Variants in UST observed in about 807,000 individuals in gnomAD.
UST encodes uronyl 2-sulfotransferase, also known as chondroitin sulfate 2-O-sulfotransferase.
A neutral mutation model predicts 45.6 loss-of-function variants in UST; 21 were observed. The ratio of observed to expected loss-of-function variants is 0.46; its 90% CI spans 0.33 to 0.66. The LOEUF is 0.66. Among genes scored for constraint, UST ranks in the 30% least tolerant of loss-of-function variants. The pLI is 0.02. For synonymous variants in UST, 215 were observed against 200.6 expected (o/e 1.07, Z -0.61); for missense variants, 463 against 512.4 (o/e 0.90, Z 0.93).
intron 3 of UST, among the ~76,000 whole-genome samples, chr6:148,950,191 C>T (rs995227117): frequency 1.3e-5 from 2 of 152,192 alleles, no homozygotes; most frequent in African/African-American, 4.8e-5. Context: ...GCTGGCACCC[C>T]TTCCCCCAGA....
intron 3 of UST, among the ~76,000 whole-genome samples, 163 bp from the exon 4 acceptor site, chr6:148,953,709 T>G (rs890341256): frequency 6.7e-6 from 1 of 150,038 alleles, no homozygotes; most frequent in African/African-American, 2.5e-5. Flanking sequence ...GAGGCGGAGC[T>G]TGCAGTGAAC....
intron 5 of UST, among the ~76,000 whole-genome samples, chr6:148,983,250 A>G (rs1437916496): frequency 6.6e-6 from 1 of 152,242 alleles, no homozygotes; most frequent in Non-Finnish European, 1.5e-5. Context: ...GTGGCAAGAA[A>G]CAATTAAACA....
chr6:148,867,289 C>T (rs568485384), intron 1 of UST, among the ~76,000 whole-genome samples: 2,067 of 48,454 alleles, frequency 0.043, 34 homozygotes, highest in Non-Finnish European at 0.067. Flanking sequence ...GTTGAATACA[C>T]ACACACACAC....
At position 148,752,506 on chromosome 6, in the gene UST, C is replaced by A. The variant is rs531205615; in HGVS notation, c.247+4829C>A. Among the ~76,000 whole-genome samples the A allele has an allele frequency of 1.4e-4, 22 of 152,286 alleles. No individual in the cohort carries two copies. The South Asian group carries it at 2.1e-3, about 14-fold the overall frequency. The stretch of plus-strand genomic sequence containing the variant: ...AAAATGGAATTCAGCTATGGTAATC[C>A]GTTCTGTAAACAAATAGCATGAATG... On this transcript the variant is annotated intron_variant, in intron 1 of 7. Coordinates refer to ENST00000367463, the MANE Select transcript of UST (RefSeq NM_005715.3).
chr6:148,793,442 C>T (rs1171589272), intron 1 of UST, among the ~76,000 whole-genome samples: 1 of 152,214 alleles, frequency 6.6e-6, no homozygotes, highest in Admixed American at 6.5e-5. Flanking sequence ...CCCCCCTCCT[C>T]ACCCTCCACC....
chr6:148,801,746 C>T lies in UST; in HGVS notation c.247+54069C>T, dbSNP rs188054854. 7.1e-4 allele frequency among the ~76,000 whole-genome samples: 108 copies of T among 152,166 alleles called. No individual in the cohort carries two copies. The East Asian group carries it at 0.016, about 23-fold the overall frequency. Reference sequence around the variant, plus strand: ...TCACTCTCCCCTTTCTTTTTGGCCCCGGCATATCTCATTCTCTCTCTGAGC... The same window carrying T: ...TCACTCTCCCCTTTCTTTTTGGCCCTGGCATATCTCATTCTCTCTCTGAGC... On this transcript the variant is annotated intron_variant, in intron 1 of 7. Transcript: ENST00000367463.
intron 7 of UST, among the ~76,000 whole-genome samples, chr6:149,033,517 A>G (rs1396152026): frequency 6.6e-6 from 1 of 152,254 alleles, no homozygotes; most frequent in African/African-American, 2.4e-5. Flanking sequence ...ACCTGTGTAT[A>G]TAACATTGCT....
rs767308777 is a variant in UST at position 148,941,421 on chromosome 6, C to A, written c.434C>A (p.Thr145Asn). The A allele has an allele frequency of 1.3e-6, 2 of 1,587,620 alleles. No individual in the cohort carries two copies. Among genetic ancestry groups the A allele is most frequent in the Admixed American group, 4.0e-5 (2 of 50,520 alleles). ...TSDIHNKTRL[T>N]KNEQMELIKN... ...GACATTCACAACAAAACCAGGCTTA[C>A]TAAAAATGAACAAGTAAGTTGACTT... The change falls in exon 3 of 8, where the codon ACT (threonine) becomes AAT (asparagine). Residue 145 changes from threonine to asparagine, a missense_variant. Thr to Asn is a moderately conservative substitution (Grantham distance 65). Transcript: ENST00000367463.
At chr6:148,840,088 T>C (rs1298009691) in intron 1 of UST, among the ~76,000 whole-genome samples, 1 of 152,162 alleles carries the variant, frequency 6.6e-6, no homozygotes, top group Non-Finnish European at 1.5e-5. Flanking sequence ...GGGTATCTAA[T>C]ACAAGAGGTT....
At chr6:148,952,509 G>A (rs914034850) in intron 3 of UST, among the ~76,000 whole-genome samples, 1 of 152,176 alleles carries the variant, frequency 6.6e-6, no homozygotes, top group African/African-American at 2.4e-5. Context: ...TTTATACACT[G>A]AGATCCTAGT....
chr6:148,971,844 G>C (rs1780924681), intron 5 of UST, among the ~76,000 whole-genome samples: 2 of 152,210 alleles, frequency 1.3e-5, no homozygotes, highest in Admixed American at 1.3e-4. Flanking sequence ...TTTACATTTT[G>C]TGGGAGGAAT....
intron 2 of UST, among the ~76,000 whole-genome samples, chr6:148,911,023 C>T (rs1779464285): frequency 6.6e-6 from 1 of 152,174 alleles, no homozygotes; most frequent in South Asian, 2.1e-4. Context: ...TCTTGGGATT[C>T]AGCCCATTGC....
intron 2 of UST, among the ~76,000 whole-genome samples, chr6:148,888,177 C>T (rs539493020): frequency 2.6e-5 from 4 of 152,266 alleles, no homozygotes; most frequent in African/African-American, 9.6e-5. Context: ...GCGCATCTTA[C>T]GTGGCCAGAG....
intron 1 of UST, among the ~76,000 whole-genome samples, chr6:148,765,296 G>T (rs1776301923): frequency 6.6e-6 from 1 of 151,928 alleles, no homozygotes; most frequent in African/African-American, 2.4e-5. Flanking sequence ...TTTATTTCTG[G>T]GTTCTCTACT....
intron 1 of UST, among the ~76,000 whole-genome samples, chr6:148,775,565 C>T (rs1776515206): frequency 6.6e-6 from 1 of 152,128 alleles, no homozygotes; most frequent in Non-Finnish European, 1.5e-5. Context: ...GGTGTGCATA[C>T]ACACATACAT....
intron 5 of UST, among the ~76,000 whole-genome samples, chr6:148,977,804 AC>A (rs1252495282): frequency 6.6e-6 from 1 of 151,004 alleles, no homozygotes. Context: ...GCCGTCCGCT[AC>A]CCCCACCCCA....
At chr6:149,005,004 AT>A (rs5880823) in intron 5 of UST, among the ~76,000 whole-genome samples, 43 of 148,400 alleles carry the variant, frequency 2.9e-4, no homozygotes, top group Non-Finnish European at 5.2e-4. Flanking sequence ...CCTCCAGCTG[AT>A]TTTTTTTTTT....
In UST at chr6:149,011,374, G is replaced by A. The variant is rs539763057; in HGVS notation, c.682-7765G>A. ...ATTAAGGGGTACAAAAACATAGTTGGACAGAATTAATAAGACCTAGTATTT... is the reference window on the plus strand; with the variant it reads ...ATTAAGGGGTACAAAAACATAGTTGAACAGAATTAATAAGACCTAGTATTT... On this transcript the variant is annotated intron_variant, in intron 5 of 7. Transcript: ENST00000367463. 1.1e-4 allele frequency among the ~76,000 whole-genome samples: 16 copies of A among 152,294 alleles called. No individual in the cohort carries two copies. In the South Asian group the frequency reaches 3.1e-3, roughly 30 times the overall value.
Position 149,057,769 on chromosome 6 carries a change from A to G in UST, c.938-16064A>G, listed in dbSNP as rs373322301. On this transcript the variant is annotated intron_variant, in intron 7 of 7. Coordinates refer to ENST00000367463, the MANE Select transcript of UST (RefSeq NM_005715.3). ...GTTAGTTAAATTTTAAAGATGATAAAACTAAATAAACAATATAGCACAGAT... is the reference window on the plus strand; with the variant it reads ...GTTAGTTAAATTTTAAAGATGATAAGACTAAATAAACAATATAGCACAGAT... 3.3e-5 allele frequency among the ~76,000 whole-genome samples: 5 copies of G among 152,356 alleles called. 1 individual carries two copies. Among genetic ancestry groups the G allele is most frequent in the Admixed American group, 2.0e-4 (3 of 15,306 alleles).
Sources: gnomAD v4.1 joint callset for allele counts (sites outside exome capture counted in the v4.1 genomes callset) on GRCh38, gnomAD v4.1.1 for gene constraint, MANE v1.5 for transcripts, NCBI Gene and HGNC (gene_info 2026-07-23, HGNC 2026-07-21) for gene names.